FSTL4: variants seen among roughly 807,000 people sequenced by gnomAD.
FSTL4 encodes follistatin-related protein 4.
Under a neutral mutation model 78.2 loss-of-function variants are expected in FSTL4, and 28 were observed. The ratio of observed to expected loss-of-function variants is 0.36; its 90% confidence interval spans 0.27 to 0.49. The LOEUF (loss-of-function observed/expected upper bound fraction) is 0.49, where lower values mean the gene tolerates loss of function less well. Ranked by LOEUF, FSTL4 falls within the 20% of genes least tolerant of loss-of-function variation. The pLI is 0.98. For missense variants in FSTL4, 922 were observed against 1,084.9 expected (o/e 0.85, Z 2.11); for synonymous variants, 422 against 440.5 (o/e 0.96, Z 0.53).
the FSTL4 span, among the ~76,000 whole-genome samples, chr5:133,710,519 A>C: frequency 6.6e-6 from 1 of 152,182 alleles, no homozygotes; most frequent in South Asian, 2.1e-4. Flanking sequence ...GCATGCACCC[A>C]TCAGAATCAC....
the FSTL4 span, among the ~76,000 whole-genome samples, chr5:133,677,708 C>T: frequency 4.6e-5 from 7 of 152,144 alleles, no homozygotes; most frequent in Admixed American, 2.0e-4. Flanking sequence ...TGGAATCTGC[C>T]GTTAATAACT....
intron 4 of FSTL4, among the ~76,000 whole-genome samples, chr5:133,389,263 C>A (rs1431327657): frequency 6.6e-6 from 1 of 152,178 alleles, no homozygotes; most frequent in Non-Finnish European, 1.5e-5. Context: ...CAGGTCTGTT[C>A]AGGCTTCACC....
chr5:133,268,630 G>A (rs1752695006), intron 6 of FSTL4, among the ~76,000 whole-genome samples: 1 of 152,176 alleles, frequency 6.6e-6, no homozygotes, highest in Admixed American at 6.5e-5. Context: ...TCCTGAGACA[G>A]GGAGGAGGGA....
the FSTL4 span, among the ~76,000 whole-genome samples, chr5:133,742,531 T>G: frequency 6.6e-6 from 1 of 152,120 alleles, no homozygotes. Context: ...GGGCATCCTT[T>G]CAGCAGTAAC....
chr5:133,309,955 G>T (rs1753741294), intron 6 of FSTL4, among the ~76,000 whole-genome samples: 1 of 152,204 alleles, frequency 6.6e-6, no homozygotes, highest in African/African-American at 2.4e-5. Context: ...ATTACTTTCT[G>T]GGTTTTAGTG....
chr5:133,544,660 C>A (rs975556586), intron 3 of FSTL4, among the ~76,000 whole-genome samples: 6 of 152,140 alleles, frequency 3.9e-5, no homozygotes, highest in Non-Finnish European at 8.8e-5. Flanking sequence ...AGCAGTCTTA[C>A]TAGGCAGAAG....
chr5:133,741,556 G>A, the FSTL4 span, among the ~76,000 whole-genome samples: 1 of 152,238 alleles, frequency 6.6e-6, no homozygotes, highest in Admixed American at 6.5e-5. Flanking sequence ...GGGAATGGGA[G>A]CGGGGGCAAG....
chr5:133,383,204 T>A (rs533850135), intron 4 of FSTL4, among the ~76,000 whole-genome samples: 9 of 152,100 alleles, frequency 5.9e-5, no homozygotes, highest in Non-Finnish European at 1.3e-4. Context: ...CTCCTGGCCA[T>A]TCCAGAGCCC....
At chr5:133,739,974 CCTCAAT>C in the FSTL4 span, among the ~76,000 whole-genome samples, 8 of 151,636 alleles carry the variant, frequency 5.3e-5, no homozygotes, top group African/African-American at 1.9e-4. Context: ...CTCACTGTGC[CCTCAAT>C]CTCCCAGGCT....
intron 3 of FSTL4, among the ~76,000 whole-genome samples, chr5:133,424,458 G>A (rs1259691335): frequency 6.6e-6 from 1 of 152,182 alleles, no homozygotes; most frequent in Non-Finnish European, 1.5e-5. Flanking sequence ...TTAGAGACAG[G>A]AAATGACATG....
At chr5:133,718,213 C>T in the FSTL4 span, among the ~76,000 whole-genome samples, 1 of 152,108 alleles carries the variant, frequency 6.6e-6, no homozygotes, top group African/African-American at 2.4e-5. Flanking sequence ...TTGCCTCAGC[C>T]TCCCGAGTGG....
chr5:133,526,579 C>T (rs1218511489), intron 3 of FSTL4, among the ~76,000 whole-genome samples: 2 of 152,106 alleles, frequency 1.3e-5, no homozygotes, highest in Non-Finnish European at 2.9e-5. Context: ...CCATTTAGAT[C>T]TCCACGTGGA....
chr5:133,437,630 C>T (rs963026228), intron 3 of FSTL4, among the ~76,000 whole-genome samples: 1 of 151,566 alleles, frequency 6.6e-6, no homozygotes, highest in Admixed American at 6.6e-5. Flanking sequence ...GCTGGGATTA[C>T]AGTTGCTCGC....
the FSTL4 span, among the ~76,000 whole-genome samples, chr5:133,828,507 G>C: frequency 6.6e-6 from 1 of 152,158 alleles, no homozygotes; most frequent in East Asian, 1.9e-4. Flanking sequence ...CTTAATCTCA[G>C]ATCGCTACAT....
At chr5:133,593,157 G>A (rs780475893) in intron 2 of FSTL4, among the ~76,000 whole-genome samples, 29 of 152,084 alleles carry the variant, frequency 1.9e-4, no homozygotes, top group Non-Finnish European at 3.7e-4. Flanking sequence ...AGTGCTGAAT[G>A]TGGCTGCCCT....
At chr5:133,458,853 C>T (rs750946964) in intron 3 of FSTL4, among the ~76,000 whole-genome samples, 3 of 152,240 alleles carry the variant, frequency 2.0e-5, no homozygotes, top group Non-Finnish European at 1.5e-5. Flanking sequence ...CTTGGACAGC[C>T]TCCTGTGAAG....
At chr5:133,803,460 T>C in the FSTL4 span, among the ~76,000 whole-genome samples, 2 of 152,160 alleles carry the variant, frequency 1.3e-5, no homozygotes, top group South Asian at 4.2e-4. Context: ...CAGGCTTTTG[T>C]TTCCCCACCT....
intron 3 of FSTL4, among the ~76,000 whole-genome samples, chr5:133,420,003 C>T (rs1756660278): frequency 1.3e-5 from 2 of 152,106 alleles, no homozygotes; most frequent in African/African-American, 4.8e-5. Flanking sequence ...TGGAAACGAA[C>T]CTAATGTACA....
the FSTL4 span, among the ~76,000 whole-genome samples, chr5:133,818,932 T>TATATATATATATATGTAC: frequency 2.3e-4 from 4 of 17,730 alleles, 2 homozygotes; most frequent in African/African-American, 4.6e-4. Context: ...TAGAAGATAC[T>TATATATATATATATGTAC]ATATATATAT....
Sources: allele counts gnomAD v4.1 joint callset (sites outside exome capture counted in the v4.1 genomes callset), GRCh38; gene constraint gnomAD v4.1.1; transcripts MANE v1.5; gene names NCBI Gene and HGNC (gene_info 2026-07-23, HGNC 2026-07-21).